Variants in NCBP2 observed in about 807,000 individuals in gnomAD.
NCBP2 encodes nuclear cap binding protein subunit 2, also known as nuclear cap-binding protein subunit 2.
Under a neutral mutation model 21.5 loss-of-function variants are expected in NCBP2, and 8 were observed. The ratio of observed to expected loss-of-function variants is 0.37; its 90% CI spans 0.22 to 0.67. NCBP2 has a LOEUF of 0.67. Among genes scored for constraint, NCBP2 ranks in the 30% least tolerant of loss-of-function variants. NCBP2 has a pLI of 0.56. For synonymous variants in NCBP2, 92 were observed against 75.8 expected (o/e 1.21, Z -1.11); for missense variants, 127 against 206.9 (o/e 0.61, Z 2.37).
chr3:196,941,307 G>A (rs1042890910), intron 1 of NCBP2, among the ~76,000 whole-genome samples: 1 of 152,030 alleles, frequency 6.6e-6, no homozygotes, highest in Non-Finnish European at 1.5e-5. Flanking sequence ...GGCCAGGCTA[G>A]TCTTGAACTC....
At position 196,939,317 on chromosome 3, in the gene NCBP2, TCAC is replaced by T; in HGVS notation, c.191_193del (p.Gly64del). The T allele has an allele frequency of 6.2e-7, 1 of 1,613,692 alleles. No individual in the cohort carries two copies. The highest frequency in any genetic ancestry group is 8.5e-7 in the Non-Finnish European group (1 of 1,179,548). On this transcript the variant is annotated inframe_deletion, in exon 2 of 4. Transcript: ENST00000321256. Reference sequence around the variant, plus strand: ...CAGACCCATAATGATTTTCTTTATGTCACCACTTTTGCTGAAGAGTTCATAGAT... The same window carrying T: ...CAGACCCATAATGATTTTCTTTATGTCACTTTTGCTGAAGAGTTCATAGAT...
rs1327955313 is a variant in NCBP2, at chr3:196,941,619, G to A, written c.78+807C>T. 1.9e-5 allele frequency: 9 copies of A among 475,070 alleles called. No homozygotes were observed. In the Admixed American group the frequency reaches 3.6e-4, roughly 19 times the overall value. 29.4% of individuals were successfully genotyped at this position (475,070 alleles called of 1,614,324 possible). A position where few individuals can be genotyped will look rare whatever the true frequency, so the allele number is the denominator to read the frequency against. ...CCTCTCCCTCTAGGGTTTAGCACAA[G>A]GATTTGGCGACAGCACTCGATAAAC... On this transcript the variant is annotated intron_variant, in intron 1 of 3. Transcript: ENST00000321256.
At chr3:196,942,393 G>A in intron 1 of NCBP2, 33 bp downstream of exon 1, 1 of 1,606,446 alleles carries the variant, frequency 6.2e-7, no homozygotes, top group Non-Finnish European at 8.5e-7. Context: ...TCTTGCCCAG[G>A]GCCTTCCCGT....
At chr3:196,942,398 T>G (rs766092237) in intron 1 of NCBP2, 28 bp downstream of exon 1, 1 of 1,608,336 alleles carries the variant, frequency 6.2e-7, no homozygotes. Flanking sequence ...CCCAGGGCCT[T>G]CCCGTCTCGC....
At chr3:196,938,364 T>C (rs1172948975) in intron 2 of NCBP2, 1 of 152,048 alleles carries the variant, frequency 6.6e-6, no homozygotes, top group Admixed American at 6.6e-5. Flanking sequence ...ACCAGACACT[T>C]AAGGAAAAAT....
intron 1 of NCBP2, chr3:196,941,672 C>G: frequency 1.8e-6 from 1 of 565,534 alleles, no homozygotes; most frequent in African/African-American, 1.9e-5. Context: ...GTTAATGAGT[C>G]CCGCCCCGCC....
intron 1 of NCBP2, chr3:196,940,239 G>C (rs1363705836): frequency 6.6e-6 from 1 of 152,234 alleles, no homozygotes; most frequent in Non-Finnish European, 1.5e-5. Context: ...CATGGTAGCA[G>C]CGGGCGCCTG....
intron 2 of NCBP2, chr3:196,938,699 A>G (rs1716382154): frequency 6.6e-6 from 1 of 152,478 alleles, no homozygotes; most frequent in African/African-American, 2.4e-5. Context: ...GTCACAACTC[A>G]GTGCAGCCTT....
chr3:196,939,091 T>G, intron 2 of NCBP2, 160 bp downstream of exon 2: 2 of 573,522 alleles, frequency 3.5e-6, no homozygotes, highest in Non-Finnish European at 6.1e-6. Context: ...GAAGAGAATA[T>G]AAATAGTATC....
At chr3:196,941,826 G>A (rs1432157579) in intron 1 of NCBP2, 4 of 1,310,606 alleles carry the variant, frequency 3.1e-6, no homozygotes, top group Admixed American at 2.2e-5. Flanking sequence ...GCAATTCTCC[G>A]ATCTTTACAT....
intron 1 of NCBP2, chr3:196,941,921 T>C: frequency 6.5e-7 from 1 of 1,536,252 alleles, no homozygotes; most frequent in East Asian, 2.4e-5. Context: ...ACTCCACTTG[T>C]GTCTCCCACG....
intron 2 of NCBP2, chr3:196,937,870 A>G (rs1716341405): frequency 1.8e-6 from 1 of 549,236 alleles, no homozygotes; most frequent in South Asian, 2.2e-5. Context: ...TTTCTTGGAC[A>G]TTCCTGTTGA....
At position 196,936,040 on chromosome 3, in the gene NCBP2, A is replaced by G. The variant is rs922558058; in HGVS notation, c.*971T>C. The G allele has an allele frequency of 6.6e-6, 1 of 152,194 alleles. No individual in the cohort carries two copies. The highest frequency in any genetic ancestry group is 2.4e-5 in the African/African-American group (1 of 41,458). 9.4% of individuals were successfully genotyped at this position (152,194 alleles called of 1,614,324 possible). A position where few individuals can be genotyped will look rare whatever the true frequency, so the allele number is the denominator to read the frequency against. On this transcript the variant is annotated 3_prime_UTR_variant, in exon 4 of 4. Coordinates refer to ENST00000321256, the MANE Select transcript of NCBP2 (RefSeq NM_007362.5). ...CAGTCCATTCCCAACATCACTGAAA[A>G]TGAAAAGAATAAACTTGCTGGTCCT...
chr3:196,938,099 C>T (rs1388609102), intron 2 of NCBP2: 1 of 155,794 alleles, frequency 6.4e-6, no homozygotes, highest in African/African-American at 2.4e-5. Context: ...CCTACTTCAT[C>T]AGAGACCTCC....
intron 1 of NCBP2, 64 bp from the exon 2 acceptor site, chr3:196,939,496 A>G: frequency 1.7e-6 from 2 of 1,159,296 alleles, no homozygotes; most frequent in East Asian, 5.0e-5. Context: ...AGTATTTCTA[A>G]GTACGGTAGA....
intron 2 of NCBP2, chr3:196,938,706 C>T (rs902399677): frequency 2.0e-5 from 3 of 152,460 alleles, no homozygotes; most frequent in African/African-American, 7.2e-5. Context: ...CTCAGTGCAG[C>T]CTTGAAATCT....
intron 2 of NCBP2, 48 bp from the exon 3 acceptor site, chr3:196,937,696 A>G: frequency 6.2e-7 from 1 of 1,604,504 alleles, no homozygotes; most frequent in South Asian, 1.1e-5. Context: ...TTCTGGAAAT[A>G]GGGGAACAAC....
rs747532085 is a variant in NCBP2 at position 196,942,462 on chromosome 3, G to A, written c.42C>T (p.Tyr14=). 1.2e-6 allele frequency: 2 copies of A among 1,613,320 alleles called. No homozygotes were observed. Among genetic ancestry groups the A allele is most frequent in the Non-Finnish European group, 1.7e-6 (2 of 1,179,942 alleles). Residue 14 remains tyrosine, a synonymous_variant, in exon 1 of 4, where the codon TAC becomes TAT. Transcript: ENST00000321256. The stretch of plus-strand genomic sequence containing the variant: ...GGTCCCGGTACTGGCTCAGCTCCAC[G>A]TAGGAGTCGCTGCGCAGCGCCTTCA... ...GLLKALRSDS[Y]VELSQYRDQH...
In NCBP2 at chr3:196,935,808, A is replaced by G. The variant is rs1716233582; in HGVS notation, c.*1203T>C. The G allele has an allele frequency of 1.3e-5, 2 of 152,004 alleles. No homozygotes were observed. Among genetic ancestry groups the G allele is most frequent in the Admixed American group, 1.3e-4 (2 of 15,252 alleles). The allele number at this position is 152,004 out of a possible 1,614,324, so 9.4% of individuals were successfully genotyped here. On this transcript the variant is annotated 3_prime_UTR_variant, in exon 4 of 4. Coordinates refer to ENST00000321256, the MANE Select transcript of NCBP2 (RefSeq NM_007362.5). ...TTTAAATGAGCAATAACTCAGATAT[A>G]TTAGAGAGAAATCACCTCTTGCCTT...
Sources: allele counts gnomAD v4.1 joint callset (sites outside exome capture counted in the v4.1 genomes callset), GRCh38; gene constraint gnomAD v4.1.1; transcripts MANE v1.5; gene names NCBI Gene and HGNC (gene_info 2026-07-23, HGNC 2026-07-21).